Variants in ZFAND6 observed in about 807,000 individuals in gnomAD.
ZFAND6 encodes zinc finger AN1-type containing 6, also known as AN1-type zinc finger protein 6.
Under a neutral mutation model 24.5 loss-of-function variants are expected in ZFAND6, and 12 were observed. That is an observed-to-expected ratio of 0.49 (90% confidence interval 0.31 to 0.79). The LOEUF (loss-of-function observed/expected upper bound fraction) is 0.79, where lower values mean the gene tolerates loss of function less well. Among genes scored for constraint, ZFAND6 ranks in the 30% least tolerant of loss-of-function variants. The probability of loss-of-function intolerance (pLI) is 0.04; values close to 1 mark genes in which losing one functional copy is unlikely to be tolerated. For missense variants in ZFAND6, 207 were observed against 245.9 expected, an observed-to-expected ratio of 0.84 and a Z score of 1.06; for synonymous variants, 92 against 81.5, an observed-to-expected ratio of 1.13 and a Z score of -0.69.
intron 1 of ZFAND6, among the ~76,000 whole-genome samples, chr15:80,085,428 A>C (rs553360782): frequency 1.4e-4 from 21 of 152,350 alleles, no homozygotes; most frequent in African/African-American, 4.3e-4. Context: ...TTAATTTTTT[A>C]AACTCCTATG....
At chr15:80,065,034 AAAAC>A (rs1344497819) in intron 1 of ZFAND6, among the ~76,000 whole-genome samples, 2 of 150,464 alleles carry the variant, frequency 1.3e-5, no homozygotes, top group Non-Finnish European at 3.0e-5. Flanking sequence ...ACAAAACAAA[AAAAC>A]AGGCAAGGGT....
At chr15:80,089,132 A>G (rs1455329896) in intron 1 of ZFAND6, among the ~76,000 whole-genome samples, 1 of 151,720 alleles carries the variant, frequency 6.6e-6, no homozygotes, top group African/African-American at 2.4e-5. Flanking sequence ...CTCATAATTG[A>G]CAACTCCTTC....
At chr15:80,123,107 T>C (rs1412127460) in intron 5 of ZFAND6, 1 of 181,754 alleles carries the variant, frequency 5.5e-6, no homozygotes, top group Non-Finnish European at 1.1e-5. Context: ...TCAGTCTATA[T>C]ACTACTCTGT....
intron 2 of ZFAND6, among the ~76,000 whole-genome samples, chr15:80,119,211 A>G (rs1039071738): frequency 6.6e-5 from 10 of 152,170 alleles, no homozygotes; most frequent in Admixed American, 5.9e-4. Context: ...TTCCCAAACA[A>G]TTCCCTCAGT....
At chr15:80,110,082 C>T (rs2039531564) in intron 2 of ZFAND6, among the ~76,000 whole-genome samples, 1 of 152,212 alleles carries the variant, frequency 6.6e-6, no homozygotes, top group Admixed American at 6.5e-5. Context: ...TGGCCCTCAG[C>T]TTCTCCAGAG....
intron 1 of ZFAND6, among the ~76,000 whole-genome samples, chr15:80,084,357 A>G (rs2141869461): frequency 6.6e-6 from 1 of 152,344 alleles, no homozygotes; most frequent in African/African-American, 2.4e-5. Flanking sequence ...CAGATTAGGG[A>G]TGCTCAACTG....
chr15:80,069,490 C>A (rs1567049500), intron 1 of ZFAND6, among the ~76,000 whole-genome samples: 1 of 152,106 alleles, frequency 6.6e-6, no homozygotes, highest in African/African-American at 2.4e-5. Flanking sequence ...ACCTCATATG[C>A]CATTCATTCA....
intron 1 of ZFAND6, among the ~76,000 whole-genome samples, chr15:80,076,876 G>A (rs1439847690): frequency 6.6e-6 from 1 of 151,542 alleles, no homozygotes; most frequent in Non-Finnish European, 1.5e-5. Flanking sequence ...CTTGCTGCCT[G>A]TCTAAAAATG....
rs571571200 is a variant in ZFAND6 at position 80,119,390 on chromosome 15, A to C, written c.-17-938A>C. On this transcript the variant is annotated intron_variant, in intron 2 of 6. Transcript: ENST00000261749. ...CAAATCAGGGAAAAACACTAGCTTC[A>C]CCATCCTGGGATATGCTCATTACTG... Among the ~76,000 whole-genome samples, 246 of 152,340 alleles carry C rather than the reference A, an allele frequency of 1.6e-3. 1 individual carries two copies. The highest frequency in any genetic ancestry group is 5.8e-3 in the African/African-American group (240 of 41,584).
At chr15:80,121,669 T>G in intron 3 of ZFAND6, 43 bp from the exon 4 acceptor site, 1 of 1,528,706 alleles carries the variant, frequency 6.5e-7, no homozygotes, top group Non-Finnish European at 9.1e-7. Flanking sequence ...CTTAGACTGC[T>G]GAGCATATAG....
intron 1 of ZFAND6, among the ~76,000 whole-genome samples, chr15:80,064,602 A>G (rs1001671347): frequency 1.5e-5 from 1 of 67,492 alleles, no homozygotes; most frequent in African/African-American, 5.7e-5. Context: ...ATACACATGT[A>G]TACATACACA....
At position 80,132,027 on chromosome 15, in the gene ZFAND6, G is replaced by T. The variant is rs56319312; in HGVS notation, c.478+734G>T. On this transcript the variant is annotated intron_variant, in intron 6 of 6. Transcript: ENST00000261749. ...CTTGAAGAAAATGAATAGGGCATGT[G>T]CAGGGACCATGAATAGGGGAATGTC... 3.4e-3 allele frequency among the ~76,000 whole-genome samples: 511 copies of T among 152,334 alleles called. 2 individuals are homozygous for T. The highest frequency in any genetic ancestry group is 6.8e-3 in the Middle Eastern group (2 of 294).
chr15:80,066,702 G>C (rs1435592409), intron 1 of ZFAND6, among the ~76,000 whole-genome samples: 2 of 152,020 alleles, frequency 1.3e-5, no homozygotes, highest in Middle Eastern at 3.2e-3. Flanking sequence ...TTCAAGACCA[G>C]CCTGGCCAAC....
chr15:80,131,166 C>G lies in ZFAND6; in HGVS notation c.365-14C>G, dbSNP rs772966740. The G allele has an allele frequency of 6.5e-6, 10 of 1,529,390 alleles. No homozygotes were observed. The East Asian group carries it at 2.1e-4, about 31-fold the overall frequency. The allele number at this position is 1,529,390 out of a possible 1,614,324, so 94.7% of individuals were successfully genotyped here. A position where few individuals can be genotyped will look rare whatever the true frequency, so the allele number is the denominator to read the frequency against. On this transcript the variant is annotated splice_polypyrimidine_tract_variant and intron_variant, in intron 5 of 6. Coordinates refer to ENST00000261749, the MANE Select transcript of ZFAND6 (RefSeq NM_019006.4). ...CAGAATAATTAAATTTTGCCACCTT[C>G]GTATTTTTGTTAGCTTCAGTATCAG... is the stretch of plus-strand genomic sequence containing the variant.
At chr15:80,124,022 A>G (rs1461465152) in intron 5 of ZFAND6, among the ~76,000 whole-genome samples, 1 of 152,228 alleles carries the variant, frequency 6.6e-6, no homozygotes, top group Non-Finnish European at 1.5e-5. Flanking sequence ...GTCAACGTAA[A>G]TATTCTAGTC....
At chr15:80,091,078 C>G (rs942736885) in intron 1 of ZFAND6, among the ~76,000 whole-genome samples, 2 of 151,946 alleles carry the variant, frequency 1.3e-5, no homozygotes. Flanking sequence ...GACTTGGCCA[C>G]TAGGAGGAAG....
rs78445053 is a variant in ZFAND6 at position 80,127,612 on chromosome 15, A to G, written c.365-3568A>G. On this transcript the variant is annotated intron_variant, in intron 5 of 6. Transcript: ENST00000261749. ...CTCAAAAAAAAAAAAAAAAAAAAAAAAAACCATGCTCAACTTCATTAGATA... is the reference window on the plus strand; with the variant it reads ...CTCAAAAAAAAAAAAAAAAAAAAAAGAAACCATGCTCAACTTCATTAGATA... Among the ~76,000 whole-genome samples the G allele has an allele frequency of 2.3e-5, 3 of 131,482 alleles. No homozygotes were observed. The Admixed American group carries it at 2.3e-4, about 10-fold the overall frequency. The allele number at this position is 131,482 out of a possible 152,430, so 86.3% of individuals were successfully genotyped here. A position where few individuals can be genotyped will look rare whatever the true frequency, so the allele number is the denominator to read the frequency against.
chr15:80,065,379 C>T (rs546859612), intron 1 of ZFAND6, among the ~76,000 whole-genome samples: 1 of 151,850 alleles, frequency 6.6e-6, no homozygotes, highest in South Asian at 2.1e-4. Flanking sequence ...TACCAGTGTA[C>T]ACTTGTATAC....
chr15:80,101,862 G>A (rs527889987), intron 2 of ZFAND6, among the ~76,000 whole-genome samples: 7 of 143,786 alleles, frequency 4.9e-5, no homozygotes, highest in East Asian at 4.3e-4. Flanking sequence ...GTGCGATCTC[G>A]GCTCACTGCA....
Sources: allele counts gnomAD v4.1 joint callset (sites outside exome capture counted in the v4.1 genomes callset), GRCh38; gene constraint gnomAD v4.1.1; transcripts MANE v1.5; gene names NCBI Gene and HGNC (gene_info 2026-07-23, HGNC 2026-07-21).